NME9: variants seen among roughly 807,000 people sequenced by gnomAD.
NME9 encodes NME/NM23 family member 9, also known as thioredoxin domain-containing protein 6.
Under a neutral mutation model 44.4 loss-of-function variants are expected in NME9, and 48 were observed. The observed-to-expected ratio is 1.08, with a 90% CI of 0.86 to 1.37. NME9 has a LOEUF of 1.37. Among genes scored for constraint, NME9 ranks in the 40% most tolerant of loss-of-function variants. The pLI is 0.00. For synonymous variants in NME9, 139 were observed against 147.1 expected (o/e 0.94, Z 0.40); for missense variants, 325 against 405.2 (o/e 0.80, Z 1.70).
rs1364233771 is a variant in NME9, at chr3:138,284,350, A to C, written c.745+19157T>G. Reference sequence around the variant, plus strand: ...GTGAGAATCCATGTACCTTCAAGTGAAAAATTGCCCAAGCTCTTGAGACAG... The same window carrying C: ...GTGAGAATCCATGTACCTTCAAGTGCAAAATTGCCCAAGCTCTTGAGACAG... On this transcript the variant is annotated intron_variant, in intron 8 of 8. Coordinates refer to the NME9 transcript ENST00000317876. 1.5e-5 allele frequency: 16 copies of C among 1,056,144 alleles called. No homozygotes were observed. The Admixed American group carries it at 2.5e-4, about 17-fold the overall frequency. 65.4% of individuals were successfully genotyped at this position (1,056,144 alleles called of 1,614,324 possible). A position where few individuals can be genotyped will look rare whatever the true frequency, so the allele number is the denominator to read the frequency against.
chr3:138,285,151 C>T (rs2050284777), intron 8 of NME9, among the ~76,000 whole-genome samples: 1 of 152,232 alleles, frequency 6.6e-6, no homozygotes, highest in East Asian at 1.9e-4. Flanking sequence ...ATGGGCACAG[C>T]TCCTCCTAGT....
downstream of NME9, among the ~76,000 whole-genome samples, chr3:138,300,470 T>C (rs1560081749): frequency 6.6e-6 from 1 of 152,120 alleles, no homozygotes; most frequent in Non-Finnish European, 1.5e-5. Flanking sequence ...AAAATGGCCT[T>C]CTCCTCAGAT....
At chr3:138,263,571 T>G (rs1488698090) in intron 8 of NME9, 1 of 655,106 alleles carries the variant, frequency 1.5e-6, no homozygotes, top group Non-Finnish European at 2.8e-6. Context: ...TAGACCTACC[T>G]TTCTGATGAG....
At chr3:138,272,630 A>C (rs186096027) in intron 8 of NME9, among the ~76,000 whole-genome samples, 1 of 152,350 alleles carries the variant, frequency 6.6e-6, no homozygotes, top group Non-Finnish European at 1.5e-5. Context: ...TAATCTCAGC[A>C]CTTTGGAAGG....
intron 8 of NME9, among the ~76,000 whole-genome samples, chr3:138,279,725 G>A (rs925113390): frequency 1.3e-5 from 2 of 152,128 alleles, no homozygotes; most frequent in African/African-American, 4.8e-5. Context: ...AATAGAAATA[G>A]GACTACTCAG....
intron 8 of NME9, among the ~76,000 whole-genome samples, chr3:138,271,074 T>C (rs1404828622): frequency 6.6e-6 from 1 of 152,188 alleles, no homozygotes; most frequent in Non-Finnish European, 1.5e-5. Context: ...GTTCAGAACC[T>C]TTTCCAAGCC....
At chr3:138,311,581 C>T (rs771134628) in intron 6 of NME9, among the ~76,000 whole-genome samples, 11 of 152,188 alleles carry the variant, frequency 7.2e-5, no homozygotes, top group Non-Finnish European at 5.9e-5. Flanking sequence ...AAGGGTTCAT[C>T]ATATGTAAAT....
chr3:138,267,623 C>T (rs922458822), intron 8 of NME9, among the ~76,000 whole-genome samples: 1 of 152,108 alleles, frequency 6.6e-6, no homozygotes, highest in African/African-American at 2.4e-5. Context: ...ATTTCAAGGA[C>T]ATAACTGCTG....
intron 8 of NME9, among the ~76,000 whole-genome samples, chr3:138,275,545 C>T (rs1244802401): frequency 1.3e-5 from 2 of 151,098 alleles, no homozygotes; most frequent in Non-Finnish European, 2.9e-5. Context: ...GGCGGAAGAG[C>T]GAGACTCTGT....
chr3:138,283,681 G>A, intron 8 of NME9, among the ~76,000 whole-genome samples: 1 of 152,118 alleles, frequency 6.6e-6, no homozygotes, highest in East Asian at 1.9e-4. Flanking sequence ...TTTGCCTCCT[G>A]CTGGTCTGGC....
chr3:138,329,622 A>G lies in NME9; in HGVS notation c.-287T>C. 1 of 1,235,222 alleles carries G rather than the reference A, an allele frequency of 8.1e-7. No individual in the cohort carries two copies. The highest frequency in any genetic ancestry group is 1.0e-6 in the Non-Finnish European group (1 of 983,938). 76.5% of individuals were successfully genotyped at this position (1,235,222 alleles called of 1,614,324 possible). ...CCCCCTCCCCACCCCGGAGCCGGCC[A>G]GGGGGCGCGCGCAGAGGCCGGAGTC... On this transcript the variant is annotated 5_prime_UTR_variant, in exon 1 of 11. Coordinates refer to ENST00000333911, the MANE Select transcript of NME9 (RefSeq NM_001349018.2).
At chr3:138,265,506 C>G (rs1272225703) in intron 8 of NME9, among the ~76,000 whole-genome samples, 1 of 152,128 alleles carries the variant, frequency 6.6e-6, no homozygotes, top group African/African-American at 2.4e-5. Flanking sequence ...AACATTTTAT[C>G]ACAGAACTCT....
At chr3:138,297,335 T>C (rs2051572509), downstream of NME9, 1 of 152,166 alleles carries the variant, frequency 6.6e-6, no homozygotes, top group Non-Finnish European at 1.5e-5. Flanking sequence ...TCAACAGAAG[T>C]TGCTCTTGAC....
intron 8 of NME9, among the ~76,000 whole-genome samples, chr3:138,278,404 T>G (rs1445654931): frequency 1.3e-5 from 2 of 151,870 alleles, no homozygotes; most frequent in African/African-American, 2.4e-5. Flanking sequence ...CTCGGGAGGC[T>G]GAGGCAGGAG....
At chr3:138,324,730 ACACACACACAT>A in intron 2 of NME9, 132 bp downstream of exon 2, 1 of 655,582 alleles carries the variant, frequency 1.5e-6, no homozygotes, top group East Asian at 2.8e-5. Flanking sequence ...ACACACACAC[ACACACACACAT>A]CACCTGGTTT....
intron 6 of NME9, among the ~76,000 whole-genome samples, chr3:138,312,227 C>T (rs1405846694): frequency 6.6e-6 from 1 of 152,110 alleles, no homozygotes. Context: ...CAATCCCTAT[C>T]AAAATACCAA....
chr3:138,285,652 T>C (rs578247149), intron 8 of NME9, among the ~76,000 whole-genome samples: 7 of 152,174 alleles, frequency 4.6e-5, no homozygotes, highest in Non-Finnish European at 8.8e-5. Flanking sequence ...AGCACTTAGC[T>C]CAGTTTTAGT....
intron 8 of NME9, among the ~76,000 whole-genome samples, chr3:138,284,801 C>T (rs966185167): frequency 3.3e-5 from 5 of 152,176 alleles, no homozygotes; most frequent in African/African-American, 1.2e-4. Context: ...GACCCGGGCT[C>T]TTGGCTTTCT....
intron 8 of NME9, chr3:138,273,191 C>A: frequency 1.4e-6 from 2 of 1,410,408 alleles, no homozygotes; most frequent in Non-Finnish European, 1.9e-6. Context: ...TCTCTCTGTG[C>A]TCTCATTAAC....
Sources: gnomAD v4.1 joint callset for allele counts (sites outside exome capture counted in the v4.1 genomes callset) on GRCh38, gnomAD v4.1.1 for gene constraint, MANE v1.5 for transcripts, NCBI Gene and HGNC (gene_info 2026-07-23, HGNC 2026-07-21) for gene names.